Variants in NAP1L4 observed in about 807,000 individuals in gnomAD.
NAP1L4 encodes the protein nucleosome assembly protein 1-like 4.
Under a neutral mutation model 58.2 loss-of-function variants are expected in NAP1L4, and 15 were observed. The observed-to-expected ratio is 0.26, with a 90% confidence interval of 0.17 to 0.40. NAP1L4 has a LOEUF of 0.40. Among genes scored for constraint, NAP1L4 ranks in the 10% least tolerant of loss-of-function variants. The probability of loss-of-function intolerance (pLI) is 1.00; values close to 1 mark genes in which losing one functional copy is unlikely to be tolerated. For missense variants in NAP1L4, 384 were observed against 451.1 expected, an observed-to-expected ratio of 0.85 and a Z score of 1.35; for synonymous variants, 171 against 155.6, an observed-to-expected ratio of 1.10 and a Z score of -0.74.
intron 1 of NAP1L4, chr11:2,991,279 T>C (rs1358218043): frequency 1.6e-5 from 6 of 375,076 alleles, no homozygotes; most frequent in Admixed American, 1.5e-4. Flanking sequence ...AGTCTTATCA[T>C]GACCAGGCCA....
chr11:2,961,773 C>T (rs886206470), intron 8 of NAP1L4, among the ~76,000 whole-genome samples: 1 of 152,176 alleles, frequency 6.6e-6, no homozygotes, highest in Non-Finnish European at 1.5e-5. Context: ...GTCAAGCAAT[C>T]CTCCCACCTT....
chr11:2,960,528 G>A (rs1020970537), intron 8 of NAP1L4, among the ~76,000 whole-genome samples: 12 of 152,180 alleles, frequency 7.9e-5, no homozygotes, highest in African/African-American at 1.2e-4. Context: ...ACAACCAACA[G>A]CAGCAACAAG....
At chr11:2,976,163 A>G (rs372417395) in intron 3 of NAP1L4, 40 bp from the exon 4 acceptor site, 6 of 1,501,788 alleles carry the variant, frequency 4.0e-6, no homozygotes, top group Non-Finnish European at 5.5e-6. Context: ...AAATATGCCC[A>G]CCACACACAA....
At chr11:2,977,112 T>C (rs1848009488) in intron 3 of NAP1L4, among the ~76,000 whole-genome samples, 1 of 152,260 alleles carries the variant, frequency 6.6e-6, no homozygotes, top group South Asian at 2.1e-4. Context: ...AGGTACGTAA[T>C]TTGTATATAT....
intron 5 of NAP1L4, 92 bp downstream of exon 5, chr11:2,972,010 C>A: frequency 7.6e-7 from 1 of 1,324,000 alleles, no homozygotes; most frequent in East Asian, 2.6e-5. Context: ...CGTTCTTACC[C>A]TAGATGTTGT....
rs1846202225 is a variant in NAP1L4 at position 2,951,132 on chromosome 11, C to T, written c.1122+127G>A. 6.6e-6 allele frequency: 5 copies of T among 754,296 alleles called. No individual in the cohort carries two copies. Among genetic ancestry groups the T allele is most frequent in the South Asian group, 6.6e-5 (4 of 60,688 alleles). 46.7% of individuals were successfully genotyped at this position (754,296 alleles called of 1,614,324 possible). ...TAATCATTCCACTATTTTTCTGACACATTTTAAACTTTCTAATTAGGGAAT... is the reference window on the plus strand; with the variant it reads ...TAATCATTCCACTATTTTTCTGACATATTTTAAACTTTCTAATTAGGGAAT... On this transcript the variant is annotated intron_variant, in intron 14 of 15. Coordinates refer to ENST00000380542, the MANE Select transcript of NAP1L4 (RefSeq NM_005969.4). This position sits in a 1 kb window ranked among gnomAD's most constrained non-coding sequence, Gnocchi z 4.0.
At chr11:2,961,846 T>C (rs1020929747) in intron 8 of NAP1L4, among the ~76,000 whole-genome samples, 4 of 152,220 alleles carry the variant, frequency 2.6e-5, no homozygotes, top group African/African-American at 7.2e-5. Flanking sequence ...TTTCTATAGA[T>C]AGATTCATGT....
At position 2,948,344 on chromosome 11, in the gene NAP1L4, C is replaced by T. The variant is rs772179500; in HGVS notation, c.*32+883G>A. ...CCAGGATCATGCTGATGTTCTGTGA[C>T]GAGACCCTTAAAAACGGAGTGCCTA... On this transcript the variant is annotated intron_variant, in intron 15 of 15. Coordinates refer to ENST00000380542, the MANE Select transcript of NAP1L4 (RefSeq NM_005969.4). This position sits in a 1 kb window ranked among gnomAD's most constrained non-coding sequence, Gnocchi z 5.1. 6.6e-5 allele frequency among the ~76,000 whole-genome samples: 10 copies of T among 152,292 alleles called. No homozygotes were observed. Among genetic ancestry groups the T allele is most frequent in the East Asian group, 3.9e-4 (2 of 5,184 alleles).
chr11:2,991,439 A>ATT (rs796973054), intron 1 of NAP1L4: 15 of 169,830 alleles, frequency 8.8e-5, no homozygotes, highest in East Asian at 3.2e-4. Context: ...AACATGTACA[A>ATT]TTTTTTTTTT....
At chr11:2,990,348 ATT>A (rs1184540639) in intron 1 of NAP1L4, 1 of 151,992 alleles carries the variant, frequency 6.6e-6, no homozygotes, top group Non-Finnish European at 1.5e-5. Context: ...TAAATAACTA[ATT>A]TTCTCTCTCT....
At position 2,972,000 on chromosome 11, in the gene NAP1L4, C is replaced by A. The variant is rs995919389; in HGVS notation, c.315+102G>T. 1.6e-6 allele frequency: 2 copies of A among 1,225,402 alleles called. No individual in the cohort carries two copies. The highest frequency in any genetic ancestry group is 2.2e-6 in the Non-Finnish European group (2 of 910,296). The allele number at this position is 1,225,402 out of a possible 1,614,324, so 75.9% of individuals were successfully genotyped here. On this transcript the variant is annotated intron_variant, in intron 5 of 15. Transcript: ENST00000380542. This position sits in a 1 kb window ranked among gnomAD's most constrained non-coding sequence, Gnocchi z 4.2. ...TAAGCTATGTTTGGCAGGTTAGATG[C>A]GTTCTTACCCTAGATGTTGTCAACT...
chr11:2,971,423 G>A lies in NAP1L4; in HGVS notation c.402+25C>T, dbSNP rs769716991. On this transcript the variant is annotated intron_variant, in intron 6 of 15. Coordinates refer to ENST00000380542, the MANE Select transcript of NAP1L4 (RefSeq NM_005969.4). This position sits in a 1 kb window ranked among gnomAD's most constrained non-coding sequence, Gnocchi z 4.2. ...TTTTAACAGTATTAAAACAGAACATGAGTCACATGTTTCTAAAGACTTACA... is the reference window on the plus strand; with the variant it reads ...TTTTAACAGTATTAAAACAGAACATAAGTCACATGTTTCTAAAGACTTACA... 4 of 1,595,370 alleles carry A rather than the reference G, an allele frequency of 2.5e-6. No individual in the cohort carries two copies. Among genetic ancestry groups the A allele is most frequent in the Non-Finnish European group, 3.4e-6 (4 of 1,164,874 alleles).
chr11:2,962,555 T>C (rs578092815), intron 8 of NAP1L4, among the ~76,000 whole-genome samples: 13 of 152,068 alleles, frequency 8.5e-5, no homozygotes, highest in Non-Finnish European at 2.9e-5. Context: ...GGAAAAAGAG[T>C]ATGGGGAAAT....
Position 2,959,729 on chromosome 11 carries a change from ATT to A in NAP1L4, c.746+39_746+40del. On this transcript the variant is annotated intron_variant, in intron 9 of 15. Coordinates refer to ENST00000380542, the MANE Select transcript of NAP1L4 (RefSeq NM_005969.4). The surrounding 1 kb of genome is among the most constrained non-coding windows in gnomAD (Gnocchi z 4.9). ...CATCAAGTTACAAAATTATCTTTTG[ATT>A]TTGTTTCAGAAAAACAAGGTAGAAT... is the stretch of plus-strand genomic sequence containing the variant. 6.2e-7 allele frequency: 1 copy of A among 1,607,004 alleles called. No homozygotes were observed. The highest frequency in any genetic ancestry group is 8.5e-7 in the Non-Finnish European group (1 of 1,176,472).
At chr11:2,985,648 T>C (rs899134586) in intron 1 of NAP1L4, among the ~76,000 whole-genome samples, 1 of 152,230 alleles carries the variant, frequency 6.6e-6, no homozygotes, top group African/African-American at 2.4e-5. Flanking sequence ...TGTATAGTAC[T>C]TCAAAACATC....
In NAP1L4 at chr11:2,955,928, T is replaced by C. The variant is rs1413434379; in HGVS notation, c.893-162A>G. 4.6e-6 allele frequency: 3 copies of C among 651,260 alleles called. No individual in the cohort carries two copies. Among genetic ancestry groups the C allele is most frequent in the African/African-American group, 3.7e-5 (2 of 54,728 alleles). 40.3% of individuals were successfully genotyped at this position (651,260 alleles called of 1,614,324 possible). A position where few individuals can be genotyped will look rare whatever the true frequency, so the allele number is the denominator to read the frequency against. On this transcript the variant is annotated intron_variant, in intron 10 of 15. Coordinates refer to ENST00000380542, the MANE Select transcript of NAP1L4 (RefSeq NM_005969.4). This position sits in a 1 kb window ranked among gnomAD's most constrained non-coding sequence, Gnocchi z 4.2. ...CCTTGCATCTCCTCACAGACATCTT[T>C]GCAAGCTCCATCCACCACTTCTGAA... is the stretch of plus-strand genomic sequence containing the variant.
intron 1 of NAP1L4, among the ~76,000 whole-genome samples, chr11:2,987,386 C>G (rs1317620817): frequency 6.6e-6 from 1 of 151,568 alleles, no homozygotes; most frequent in Non-Finnish European, 1.5e-5. Context: ...CTCAGGTGAT[C>G]TGCCCACCTC....
At chr11:2,972,750 C>T (rs1201469964) in intron 4 of NAP1L4, among the ~76,000 whole-genome samples, 1 of 152,150 alleles carries the variant, frequency 6.6e-6, no homozygotes, top group Non-Finnish European at 1.5e-5. Context: ...GGTAGGATTG[C>T]TTGAGGGCAG....
chr11:2,945,519 C>A lies in NAP1L4; in HGVS notation c.*160G>T, dbSNP rs1024542043. On this transcript the variant is annotated 3_prime_UTR_variant, in exon 16 of 16. Transcript: ENST00000380542. ...ACGAGTTAGATGGAGTAAGCTCTGT[C>A]CACGGGATTGTGCTGCGGCAAGGAC... 18 of 1,159,370 alleles carry A rather than the reference C, an allele frequency of 1.6e-5. No individual in the cohort carries two copies. In the African/African-American group the frequency reaches 2.3e-4, roughly 15 times the overall value. 71.8% of individuals were successfully genotyped at this position (1,159,370 alleles called of 1,614,324 possible).
Sources: allele counts gnomAD v4.1 joint callset (sites outside exome capture counted in the v4.1 genomes callset), GRCh38; gene constraint gnomAD v4.1.1; non-coding constraint Gnocchi (gnomAD v3.1); transcripts MANE v1.5; gene names NCBI Gene and HGNC (gene_info 2026-07-23, HGNC 2026-07-21).